The following CCDC30 variants were observed in gnomAD, a reference collection of about 807,000 sequenced individuals.
CCDC30 encodes the protein coiled-coil domain containing 30.
CCDC30 carries 70 observed loss-of-function variants against 100.2 expected under a neutral mutation model. The observed-to-expected ratio is 0.70, with a 90% CI of 0.58 to 0.85. The LOEUF (loss-of-function observed/expected upper bound fraction) is 0.85. Ranked by LOEUF, CCDC30 falls within the 40% of genes least tolerant of loss-of-function variation. The pLI is 0.00. For synonymous variants in CCDC30, 233 were observed against 269.5 expected, an observed-to-expected ratio of 0.86 and a Z score of 1.33; for missense variants, 652 against 771.2, an observed-to-expected ratio of 0.85 and a Z score of 1.83.
the CCDC30 span, among the ~76,000 whole-genome samples, chr1:42,457,936 C>T: frequency 7.0e-6 from 1 of 143,738 alleles, no homozygotes; most frequent in South Asian, 2.2e-4. Context: ...GCCCGGGCGA[C>T]GAGAGCGATA....
chr1:42,556,402 C>T, intron 6 of CCDC30: 2 of 1,606,082 alleles, frequency 1.2e-6, no homozygotes, highest in Non-Finnish European at 1.7e-6. Context: ...ACAGTGGTGC[C>T]CAGGTAGGTG....
intron 6 of CCDC30, among the ~76,000 whole-genome samples, chr1:42,561,672 T>C (rs1008766450): frequency 1.3e-5 from 2 of 152,214 alleles, no homozygotes; most frequent in African/African-American, 4.8e-5. Context: ...AAGTTGTCTC[T>C]GTAGATGACA....
At chr1:42,509,133 C>T (rs1644439960) in intron 6 of CCDC30, among the ~76,000 whole-genome samples, 3 of 152,186 alleles carry the variant, frequency 2.0e-5, no homozygotes, top group Admixed American at 2.0e-4. Context: ...AAAACTGTGA[C>T]TGAGACAGTG....
intron 6 of CCDC30, among the ~76,000 whole-genome samples, chr1:42,561,295 G>C (rs1397257771): frequency 6.6e-6 from 1 of 152,186 alleles, no homozygotes; most frequent in Admixed American, 6.5e-5. Context: ...TGCAAGGCTG[G>C]TTCAACATAC....
intron 6 of CCDC30, chr1:42,500,098 A>G (rs961523334): frequency 5.6e-6 from 6 of 1,072,232 alleles, no homozygotes; most frequent in Non-Finnish European, 8.6e-6. Context: ...AGTCATTTAA[A>G]CTTGATCCAA....
chr1:42,608,716 C>CAAAAAA (rs3044834), intron 10 of CCDC30, among the ~76,000 whole-genome samples: 16 of 55,390 alleles, frequency 2.9e-4, no homozygotes, highest in East Asian at 5.7e-4. Context: ...CTCTCTGTCT[C>CAAAAAA]AAAAAAAAAA....
In CCDC30 at chr1:42,653,846, T is replaced by C. The variant is rs777430039; in HGVS notation, c.1951T>C (p.Phe651Leu). ...TTCAGGAAAAGGTTTGGTAGAGTCATTTGCAAGTCTTCAAGAGACTGAAGA... is the reference window on the plus strand; with the variant it reads ...TTCAGGAAAAGGTTTGGTAGAGTCACTTGCAAGTCTTCAAGAGACTGAAGA... The change falls in exon 17 of 17, where the codon TTT becomes CTT. Residue 651 changes from phenylalanine (F) to leucine (L), a missense_variant. Phe to Leu is a conservative substitution (Grantham distance 22). Transcript: ENST00000668663. 9.9e-6 allele frequency: 16 copies of C among 1,614,040 alleles called. No homozygotes were observed. The highest frequency in any genetic ancestry group is 1.4e-5 in the Non-Finnish European group (16 of 1,179,944).
In CCDC30 at chr1:42,646,299, G is replaced by A; in HGVS notation, c.1836G>A (p.Trp612Ter). 6.5e-7 allele frequency: 1 copy of A among 1,540,306 alleles called. No individual in the cohort carries two copies. The highest frequency in any genetic ancestry group is 2.5e-5 in the East Asian group (1 of 40,502). The change falls in exon 15 of 17, where the codon TGG (tryptophan) becomes TGA (stop). Residue 612 changes from tryptophan to a stop codon, truncating the protein, a stop_gained. Coordinates refer to ENST00000668663, the Ensembl canonical transcript of CCDC30. LOFTEE classifies it high-confidence loss of function. ...CAGTTCCTGAGGCCACAGAGAAGTG[G>A]AAACACTCTGAGCAGATGGTAGGAG...
intron 6 of CCDC30, chr1:42,500,113 T>C: frequency 8.4e-7 from 1 of 1,191,036 alleles, no homozygotes; most frequent in Non-Finnish European, 1.2e-6. Context: ...ATCCAACCTC[T>C]TTGCATCTTA....
intron 12 of CCDC30, among the ~76,000 whole-genome samples, chr1:42,640,278 C>G (rs1279964959): frequency 6.6e-6 from 1 of 152,176 alleles, no homozygotes; most frequent in African/African-American, 2.4e-5. Flanking sequence ...ACCACTCAAA[C>G]CAGACTTTCC....
At chr1:42,555,738 G>A (rs1477354867) in intron 6 of CCDC30, among the ~76,000 whole-genome samples, 1 of 152,150 alleles carries the variant, frequency 6.6e-6, no homozygotes, top group Non-Finnish European at 1.5e-5. Context: ...CCAGGCTGGA[G>A]TGCAGTGGCA....
At chr1:42,487,433 A>G (rs999481065) in intron 3 of CCDC30, among the ~76,000 whole-genome samples, 2 of 152,102 alleles carry the variant, frequency 1.3e-5, no homozygotes, top group African/African-American at 2.4e-5. Context: ...TTTCCCAGTT[A>G]TTCAACCAAA....
intron 11 of CCDC30, among the ~76,000 whole-genome samples, chr1:42,625,711 C>T (rs1429253787): frequency 6.6e-6 from 1 of 151,816 alleles, no homozygotes; most frequent in Non-Finnish European, 1.5e-5. Flanking sequence ...CCAATATGGT[C>T]GGAGAAAATG....
intron 10 of CCDC30, chr1:42,595,031 A>G (rs528210401): frequency 3.4e-5 from 5 of 148,860 alleles, no homozygotes; most frequent in Admixed American, 3.3e-4. Context: ...TTTTTTTTTC[A>G]GATTGGTTTT....
At chr1:42,470,958 G>A (rs1240695551) in intron 1 of CCDC30, among the ~76,000 whole-genome samples, 1 of 152,172 alleles carries the variant, frequency 6.6e-6, no homozygotes, top group East Asian at 1.9e-4. Context: ...TAAATTTTAA[G>A]TTATGTATAT....
At chr1:42,531,315 A>C (rs1424144981) in intron 6 of CCDC30, among the ~76,000 whole-genome samples, 1 of 152,198 alleles carries the variant, frequency 6.6e-6, no homozygotes, top group Non-Finnish European at 1.5e-5. Context: ...AGGAACTGTG[A>C]GTCAATTAGA....
intron 15 of CCDC30, among the ~76,000 whole-genome samples, chr1:42,652,861 T>A (rs1648469772): frequency 6.6e-6 from 1 of 152,180 alleles, no homozygotes; most frequent in African/African-American, 2.4e-5. Flanking sequence ...TATTAGTGAT[T>A]GCCAAGGATT....
intron 11 of CCDC30, among the ~76,000 whole-genome samples, chr1:42,616,055 A>G (rs1646722040): frequency 6.6e-6 from 1 of 152,112 alleles, no homozygotes; most frequent in African/African-American, 2.4e-5. Flanking sequence ...AGCTGGAACT[A>G]CAGGTGCATG....
chr1:42,642,589 G>T (rs1313009985), exon 13 of CCDC30: 1 of 1,597,686 alleles, frequency 6.3e-7, no homozygotes, highest in African/African-American at 1.3e-5. Flanking sequence ...ACAAATGGAC[G>T]ATATCTTCCA....
Sources: allele counts gnomAD v4.1 joint callset (sites outside exome capture counted in the v4.1 genomes callset), GRCh38; gene constraint gnomAD v4.1.1; transcripts MANE v1.5; gene names NCBI Gene and HGNC (gene_info 2026-07-23, HGNC 2026-07-21).